PCDH15: variants seen among roughly 807,000 people sequenced by gnomAD.
PCDH15 encodes protocadherin related 15, also known as protocadherin-15.
In PCDH15, 129 loss-of-function variants were observed where a neutral mutation model predicts 178.5. The observed-to-expected ratio is 0.72, with a 90% CI of 0.63 to 0.84. The LOEUF (loss-of-function observed/expected upper bound fraction) is 0.84. Among genes scored for constraint, PCDH15 ranks in the 40% least tolerant of loss-of-function variants. The pLI is 0.00. For missense variants in PCDH15, 2,230 were observed against 2,099.9 expected, an observed-to-expected ratio of 1.06 and a Z score of -1.21; for synonymous variants, 800 against 732.0, an observed-to-expected ratio of 1.09 and a Z score of -1.50.
At chr10:54,097,008 T>C (rs2094711861) in intron 15 of PCDH15, among the ~76,000 whole-genome samples, 1 of 152,172 alleles carries the variant, frequency 6.6e-6, no homozygotes, top group African/African-American at 2.4e-5. Flanking sequence ...ACAAATCATG[T>C]AGTTTTTAAC....
chr10:55,374,810 AC>A (rs905377317), intron 2 of PCDH15, among the ~76,000 whole-genome samples: 1 of 152,076 alleles, frequency 6.6e-6, no homozygotes, highest in African/African-American at 2.4e-5. Flanking sequence ...GGCAGCCATT[AC>A]ACGGTACCTC....
At chr10:54,421,948 A>AAAT (rs1565232661) in intron 3 of PCDH15, among the ~76,000 whole-genome samples, 1,418 of 89,878 alleles carry the variant, frequency 0.016, 54 homozygotes, top group Middle Eastern at 0.064. Flanking sequence ...TATATATAAA[A>AAAT]ATATATATAT....
intron 2 of PCDH15, among the ~76,000 whole-genome samples, chr10:55,127,790 G>A (rs1837941428): frequency 6.6e-6 from 1 of 151,928 alleles, no homozygotes; most frequent in South Asian, 2.1e-4. Flanking sequence ...GTATAACCTT[G>A]GAGACATTCC....
At chr10:55,260,977 CT>C (rs1241134010) in intron 1 of PCDH15, among the ~76,000 whole-genome samples, 2 of 151,900 alleles carry the variant, frequency 1.3e-5, no homozygotes, top group East Asian at 1.9e-4. Flanking sequence ...GGCTTGTTAG[CT>C]TTTTTTCTAT....
At chr10:53,977,234 G>A (rs369196686) in intron 21 of PCDH15, among the ~76,000 whole-genome samples, 17 of 152,184 alleles carry the variant, frequency 1.1e-4, no homozygotes, top group South Asian at 4.2e-4. Flanking sequence ...AAGGATGTCC[G>A]ATCTTTTAGC....
At chr10:55,280,269 C>CTTTTTTTT (rs1007536850) in intron 1 of PCDH15, among the ~76,000 whole-genome samples, 6 of 65,992 alleles carry the variant, frequency 9.1e-5, no homozygotes, top group South Asian at 5.2e-4. Flanking sequence ...TATTTTGATT[C>CTTTTTTTT]TTTTTTTTTT....
intron 8 of PCDH15, among the ~76,000 whole-genome samples, chr10:54,245,438 T>G (rs2055824240): frequency 6.6e-6 from 1 of 152,048 alleles, no homozygotes; most frequent in Non-Finnish European, 1.5e-5. Context: ...AGAAAAAAAT[T>G]ATGATAGATA....
At chr10:55,238,304 C>G (rs1047315272) in intron 1 of PCDH15, among the ~76,000 whole-genome samples, 1 of 151,958 alleles carries the variant, frequency 6.6e-6, no homozygotes, top group African/African-American at 2.4e-5. Flanking sequence ...CACCCGCTAC[C>G]ACGCCCGGCT....
chr10:54,148,740 A>G (rs1246908580), intron 14 of PCDH15, among the ~76,000 whole-genome samples: 1 of 152,010 alleles, frequency 6.6e-6, no homozygotes, highest in Non-Finnish European at 1.5e-5. Context: ...GAAATATTTT[A>G]TCTTATTTTT....
rs569225296 is a variant in PCDH15, at chr10:55,434,495, G to C, written c.-156+193130C>G. On this transcript the variant is annotated intron_variant, in intron 2 of 5. Coordinates refer to the PCDH15 transcript ENST00000613346. ...AAATGTCAAATTATGGGTTAAAATA[G>C]AGATGTTTAACATATTGATGTCAGA... Among the ~76,000 whole-genome samples the C allele has an allele frequency of 3.3e-5, 5 of 152,238 alleles. No homozygotes were observed. In the South Asian group the frequency reaches 1.0e-3, roughly 32 times the overall value.
intron 1 of PCDH15, among the ~76,000 whole-genome samples, chr10:54,724,819 C>T (rs1591298571): frequency 1.3e-5 from 2 of 151,038 alleles, no homozygotes; most frequent in African/African-American, 2.4e-5. Context: ...TCAGGTGGCA[C>T]ATATACATAT....
At chr10:54,616,830 CTTCT>C (rs1164028261) in intron 2 of PCDH15, among the ~76,000 whole-genome samples, 2 of 151,948 alleles carry the variant, frequency 1.3e-5, no homozygotes, top group African/African-American at 4.8e-5. Context: ...TATATTCTTC[CTTCT>C]TGTTACTAAT....
At chr10:54,822,083 A>C (rs1328189732) in intron 3 of PCDH15, among the ~76,000 whole-genome samples, 1 of 152,182 alleles carries the variant, frequency 6.6e-6, no homozygotes, top group Non-Finnish European at 1.5e-5. Context: ...ATTTTAATGC[A>C]AGCATACAAT....
At chr10:54,779,365 AAT>A (rs1364136106) in intron 1 of PCDH15, among the ~76,000 whole-genome samples, 3 of 144,174 alleles carry the variant, frequency 2.1e-5, no homozygotes, top group African/African-American at 7.6e-5. Flanking sequence ...ACTTTTATTT[AAT>A]ATATATATTT....
chr10:53,847,206 ATGTTGGCTACC>A, intron 28 of PCDH15, among the ~76,000 whole-genome samples: 1 of 152,172 alleles, frequency 6.6e-6, no homozygotes, highest in East Asian at 1.9e-4. Context: ...CGTGTCATAA[ATGTTGGCTACC>A]TGTTGTGATG....
chr10:53,900,645 T>C (rs1359218595), intron 26 of PCDH15, among the ~76,000 whole-genome samples: 1 of 152,158 alleles, frequency 6.6e-6, no homozygotes. Context: ...GTATTACCTA[T>C]ACTTTTTGAT....
intron 2 of PCDH15, among the ~76,000 whole-genome samples, chr10:55,352,497 C>T (rs1844961876): frequency 6.6e-6 from 1 of 152,076 alleles, no homozygotes; most frequent in Admixed American, 6.6e-5. Context: ...TGACAATGAG[C>T]AGTTGAAAGC....
intron 1 of PCDH15, among the ~76,000 whole-genome samples, chr10:55,239,461 T>TA (rs1214018436): frequency 6.6e-6 from 1 of 151,946 alleles, no homozygotes; most frequent in Non-Finnish European, 1.5e-5. Flanking sequence ...ATAGTCTCTT[T>TA]AATAAATGGT....
intron 3 of PCDH15, among the ~76,000 whole-genome samples, chr10:54,459,824 C>T (rs1384104448): frequency 6.6e-6 from 1 of 151,990 alleles, no homozygotes. Context: ...ACTCCTATTT[C>T]ACTGGTCTCT....
Sources: gnomAD v4.1 joint callset for allele counts (sites outside exome capture counted in the v4.1 genomes callset) on GRCh38, gnomAD v4.1.1 for gene constraint, MANE v1.5 for transcripts, NCBI Gene and HGNC (gene_info 2026-07-23, HGNC 2026-07-21) for gene names.